TSPAN5: variants seen among roughly 807,000 people sequenced by gnomAD.
TSPAN5 encodes tetraspanin 5.
In TSPAN5, 10 loss-of-function variants were observed where a neutral mutation model predicts 37.1. The ratio of observed to expected loss-of-function variants is 0.27; its 90% CI spans 0.17 to 0.46. The LOEUF (loss-of-function observed/expected upper bound fraction) is 0.46, where lower values mean the gene tolerates loss of function less well. Among genes scored for constraint, TSPAN5 ranks in the 20% least tolerant of loss-of-function variants. TSPAN5 has a pLI of 1.00. For synonymous variants in TSPAN5, 110 were observed against 118.9 expected, an observed-to-expected ratio of 0.93 and a Z score of 0.48; for missense variants, 195 against 326.6, an observed-to-expected ratio of 0.60 and a Z score of 3.11.
chr4:98,521,332 A>G (rs946201844), intron 1 of TSPAN5, among the ~76,000 whole-genome samples: 1 of 152,226 alleles, frequency 6.6e-6, no homozygotes, highest in Non-Finnish European at 1.5e-5. Flanking sequence ...AGCAAGGGTC[A>G]GGGAGACTTA....
intron 1 of TSPAN5, among the ~76,000 whole-genome samples, chr4:98,614,015 C>T (rs1328712849): frequency 3.3e-5 from 5 of 152,162 alleles, no homozygotes; most frequent in Admixed American, 6.5e-5. Flanking sequence ...AACTCTTTTT[C>T]TCCTAGAGCC....
chr4:98,549,292 G>GGTT (rs1560532920), intron 1 of TSPAN5, among the ~76,000 whole-genome samples: 1 of 147,114 alleles, frequency 6.8e-6, no homozygotes, highest in Admixed American at 7.0e-5. Flanking sequence ...TTGTTTGTTT[G>GGTT]TTTGTTTTTG....
chr4:98,616,476 T>C (rs1756340146), intron 1 of TSPAN5, among the ~76,000 whole-genome samples: 1 of 152,110 alleles, frequency 6.6e-6, no homozygotes, highest in Non-Finnish European at 1.5e-5. Flanking sequence ...AGTGTCACTC[T>C]GACAAGAGCT....
chr4:98,507,644 C>T, intron 2 of TSPAN5, 34 bp downstream of exon 2: 2 of 1,562,670 alleles, frequency 1.3e-6, no homozygotes, highest in African/African-American at 2.7e-5. Flanking sequence ...CTCTAACAAC[C>T]ACGATGTGTG....
At chr4:98,610,707 A>G (rs541105044) in intron 1 of TSPAN5, among the ~76,000 whole-genome samples, 1 of 152,326 alleles carries the variant, frequency 6.6e-6, no homozygotes, top group Non-Finnish European at 1.5e-5. Context: ...CAGTAGGAAT[A>G]TAAAATGCTC....
At chr4:98,577,313 A>T (rs62323628) in intron 1 of TSPAN5, among the ~76,000 whole-genome samples, 2 of 152,160 alleles carry the variant, frequency 1.3e-5, no homozygotes, top group South Asian at 4.2e-4. Context: ...AGTTACTGAC[A>T]TACTGATTTA....
chr4:98,555,056 GAA>G (rs1198910964), intron 1 of TSPAN5, among the ~76,000 whole-genome samples: 3 of 152,182 alleles, frequency 2.0e-5, no homozygotes, highest in Non-Finnish European at 4.4e-5. Flanking sequence ...GCAAGGCCCT[GAA>G]ATGTGAACAC....
chr4:98,574,155 T>C (rs528613644), intron 1 of TSPAN5, among the ~76,000 whole-genome samples: 3 of 152,314 alleles, frequency 2.0e-5, no homozygotes, highest in Admixed American at 2.0e-4. Flanking sequence ...ATATCCTGAC[T>C]CATTAATCCT....
chr4:98,570,871 C>T (rs903166172), intron 1 of TSPAN5, among the ~76,000 whole-genome samples: 2 of 151,982 alleles, frequency 1.3e-5, no homozygotes, highest in African/African-American at 2.4e-5. Flanking sequence ...CTCTGAGCAA[C>T]GCGTGCTGGG....
In TSPAN5 at chr4:98,479,205, G is replaced by A. The variant is rs150053508; in HGVS notation, c.451-395C>T. On this transcript the variant is annotated intron_variant, in intron 4 of 7. Transcript: ENST00000305798. ...GGTAGTGACTGAAGGAGGCAACTGG[G>A]GTTATGGGTGGGCTAACTATAGCTT... Among the ~76,000 whole-genome samples, 436 of 152,294 alleles carry A rather than the reference G, an allele frequency of 2.9e-3. 1 individual carries two copies. Among genetic ancestry groups the A allele is most frequent in the African/African-American group, 9.9e-3 (413 of 41,570 alleles).
At chr4:98,485,549 C>T (rs10020051) in intron 3 of TSPAN5, 58,471 of 151,834 alleles carry the variant, frequency 0.39, 12,598 homozygotes, top group Admixed American at 0.52. Context: ...CTCGGTTCTC[C>T]TTGTTAGAAT....
At chr4:98,502,172 TG>T (rs1305006305) in intron 2 of TSPAN5, among the ~76,000 whole-genome samples, 1 of 152,114 alleles carries the variant, frequency 6.6e-6, no homozygotes, top group Admixed American at 6.6e-5. Context: ...GAATCACTTG[TG>T]TTGTTTTGAA....
At chr4:98,541,268 T>C (rs1754350773) in intron 1 of TSPAN5, among the ~76,000 whole-genome samples, 1 of 152,176 alleles carries the variant, frequency 6.6e-6, no homozygotes, top group African/African-American at 2.4e-5. Context: ...ACTAAGGTGG[T>C]CCTTATCCAC....
At chr4:98,546,158 G>A (rs972195221) in intron 1 of TSPAN5, among the ~76,000 whole-genome samples, 1 of 152,146 alleles carries the variant, frequency 6.6e-6, no homozygotes, top group Non-Finnish European at 1.5e-5. Context: ...TAAGAAACTT[G>A]CCCAACACCA....
chr4:98,635,456 G>A (rs1158508739), intron 1 of TSPAN5, among the ~76,000 whole-genome samples: 1 of 152,186 alleles, frequency 6.6e-6, no homozygotes, highest in African/African-American at 2.4e-5. Flanking sequence ...TTTCACCATG[G>A]CTTAGAATAG....
chr4:98,630,888 TG>T (rs1195902875), intron 1 of TSPAN5, among the ~76,000 whole-genome samples: 6 of 152,230 alleles, frequency 3.9e-5, no homozygotes, highest in African/African-American at 1.4e-4. Flanking sequence ...GAGAGTTCAC[TG>T]GGAAGTACAA....
At chr4:98,526,849 T>C (rs1753974407) in intron 1 of TSPAN5, among the ~76,000 whole-genome samples, 1 of 152,202 alleles carries the variant, frequency 6.6e-6, no homozygotes, top group Non-Finnish European at 1.5e-5. Flanking sequence ...TGCTATAGCA[T>C]GTGGCAAGAT....
In TSPAN5 at chr4:98,571,918, G is replaced by A. The variant is rs1425073943; in HGVS notation, c.82-64190C>T. Among the ~76,000 whole-genome samples, 7 of 152,076 alleles carry A rather than the reference G, an allele frequency of 4.6e-5. No individual in the cohort carries two copies. The South Asian group carries it at 1.5e-3, about 32-fold the overall frequency. On this transcript the variant is annotated intron_variant, in intron 1 of 7. Transcript: ENST00000305798. Reference sequence around the variant, plus strand: ...GTCAATGATATTACAGTCCGGTGGTGGAGAGAGACAAGAAAAGGCAATTAC... The same window carrying A: ...GTCAATGATATTACAGTCCGGTGGTAGAGAGAGACAAGAAAAGGCAATTAC...
intron 1 of TSPAN5, among the ~76,000 whole-genome samples, chr4:98,543,033 A>G (rs1338628477): frequency 6.6e-6 from 1 of 152,190 alleles, no homozygotes; most frequent in Non-Finnish European, 1.5e-5. Flanking sequence ...CAAGTGACAT[A>G]CCACTGGGGG....
Sources: allele counts gnomAD v4.1 joint callset (sites outside exome capture counted in the v4.1 genomes callset), GRCh38; gene constraint gnomAD v4.1.1; transcripts MANE v1.5; gene names NCBI Gene and HGNC (gene_info 2026-07-23, HGNC 2026-07-21).